SMCHD1: variants seen among roughly 807,000 people sequenced by gnomAD.
SMCHD1 encodes the protein structural maintenance of chromosomes flexible hinge domain containing 1.
Under a neutral mutation model 254.7 loss-of-function variants are expected in SMCHD1, and 78 were observed. The ratio of observed to expected loss-of-function variants is 0.31; its 90% CI spans 0.26 to 0.37. The LOEUF is 0.37. Ranked by LOEUF, SMCHD1 falls within the 10% of genes least tolerant of loss-of-function variation. SMCHD1 has a pLI of 1.00. For missense variants in SMCHD1, 1,840 were observed against 2,408.1 expected (o/e 0.76, Z 4.94); for synonymous variants, 766 against 794.9 (o/e 0.96, Z 0.61).
rs1413816861 is a variant in SMCHD1 at position 2,770,035 on chromosome 18, C to T, written c.4893C>T (p.Asp1631=). The T allele has an allele frequency of 1.9e-6, 3 of 1,601,656 alleles. No individual in the cohort carries two copies. The highest frequency in any genetic ancestry group is 1.7e-6 in the Non-Finnish European group (2 of 1,176,638). Residue 1631 remains aspartate, a synonymous_variant, in exon 39 of 48, where the codon GAC becomes GAT. Transcript: ENST00000320876. ...TGGCAGCACTTACAAAAGAAAAGGA[C>T]CAATTATCTCAGTCTATTGTTATGT... is the stretch of plus-strand genomic sequence containing the variant. The part of the protein sequence containing the change: ...QQMAALTKEK[D]QLSQSIVMYK...
chr18:2,675,295 C>T lies in SMCHD1; in HGVS notation c.638+1150C>T, dbSNP rs143740660. Among the ~76,000 whole-genome samples, 104 of 138,142 alleles carry T rather than the reference C, an allele frequency of 7.5e-4. 1 individual carries two copies. The East Asian group carries it at 0.011, about 15-fold the overall frequency. 90.6% of individuals were successfully genotyped at this position (138,142 alleles called of 152,430 possible). On this transcript the variant is annotated intron_variant, in intron 5 of 47. Coordinates refer to ENST00000320876, the MANE Select transcript of SMCHD1 (RefSeq NM_015295.3). The stretch of plus-strand genomic sequence containing the variant: ...TTTTTTTTTTTTGGAGACAGAGTCT[C>T]GCTCTGTCATCCAGGCTGAAGTGCA...
chr18:2,703,947 G>A, intron 13 of SMCHD1, 61 bp downstream of exon 13: 1 of 1,281,404 alleles, frequency 7.8e-7, no homozygotes, highest in Non-Finnish European at 1.1e-6. Flanking sequence ...AAACACATAT[G>A]CAGAATCACA....
intron 17 of SMCHD1, among the ~76,000 whole-genome samples, chr18:2,714,377 T>C (rs567056670): frequency 6.6e-6 from 1 of 152,304 alleles, no homozygotes; most frequent in East Asian, 1.9e-4. Context: ...ATGAGTAATA[T>C]GAGTTTATTG....
intron 28 of SMCHD1, among the ~76,000 whole-genome samples, chr18:2,741,673 C>T (rs1457330655): frequency 6.6e-6 from 1 of 152,228 alleles, no homozygotes; most frequent in Admixed American, 6.5e-5. Context: ...TAGTTTCTTC[C>T]ATTTTCTAGC....
chr18:2,699,013 G>A (rs1212049933), intron 10 of SMCHD1, among the ~76,000 whole-genome samples: 2 of 152,114 alleles, frequency 1.3e-5, no homozygotes, highest in African/African-American at 2.4e-5. Context: ...AGTAATTCTA[G>A]TGAGATTATT....
intron 44 of SMCHD1, among the ~76,000 whole-genome samples, chr18:2,782,744 C>CAAAAAAAAAAAAAAAAAA (rs779083565): frequency 6.7e-5 from 3 of 44,978 alleles, no homozygotes; most frequent in Admixed American, 3.8e-4. Context: ...GACCACAACT[C>CAAAAAAAAAAAAAAAAAA]AAAAAAAAAA....
At chr18:2,701,151 A>G (rs973436909) in intron 12 of SMCHD1, 15 of 305,840 alleles carry the variant, frequency 4.9e-5, no homozygotes, top group Non-Finnish European at 8.7e-5. Context: ...ACATATCTTC[A>G]TTAGTTTTTT....
rs1555622217 is a variant in SMCHD1 at position 2,656,098 on chromosome 18, G to T, written c.23G>T (p.Gly8Val). Reference sequence around the variant, plus strand: ...AATATGGCAGCGGCGGACGGCGGCGGGCCTGGTGGGGCCTCTGTGGGGACT... The same window carrying T: ...AATATGGCAGCGGCGGACGGCGGCGTGCCTGGTGGGGCCTCTGTGGGGACT... MAAADGG[G>V]PGGASVGTEE... The change falls in exon 1 of 48, where the codon GGG (glycine) becomes GTG (valine). Residue 8 changes from glycine to valine, a missense_variant. Physicochemically the swap from Gly to Val is moderately radical, Grantham distance 109. Around this residue, in one of 9 missense-constraint regions of SMCHD1, gnomAD observed 115 missense variants for 99.1 expected, o/e 1.16. Transcript: ENST00000320876. 2.1e-6 allele frequency: 3 copies of T among 1,413,754 alleles called. No individual in the cohort carries two copies. The highest frequency in any genetic ancestry group is 1.6e-5 in the South Asian group (1 of 62,550). The allele number at this position is 1,413,754 out of a possible 1,614,324, so 87.6% of individuals were successfully genotyped here. A position where few individuals can be genotyped will look rare whatever the true frequency, so the allele number is the denominator to read the frequency against.
At chr18:2,665,518 A>G (rs913504987) in intron 1 of SMCHD1, among the ~76,000 whole-genome samples, 1 of 152,032 alleles carries the variant, frequency 6.6e-6, no homozygotes, top group African/African-American at 2.4e-5. Context: ...ACAGGGTTTC[A>G]CCATGTTGGT....
At chr18:2,791,956 G>C (rs9964906) in intron 45 of SMCHD1, among the ~76,000 whole-genome samples, 37,916 of 152,032 alleles carry the variant, frequency 0.25, 4,835 homozygotes, top group South Asian at 0.35. Flanking sequence ...GGAAACAGTA[G>C]TCAGAACTCT....
At chr18:2,801,759 T>TTAAGATTTC (rs763457376) in intron 47 of SMCHD1, among the ~76,000 whole-genome samples, 15 of 152,172 alleles carry the variant, frequency 9.9e-5, no homozygotes, top group Non-Finnish European at 2.1e-4. Flanking sequence ...TTTCATTAAC[T>TTAAGATTTC]ATAAAAATGT....
chr18:2,684,476 A>C (rs1485990590), intron 5 of SMCHD1, among the ~76,000 whole-genome samples: 2 of 152,010 alleles, frequency 1.3e-5, no homozygotes, highest in Non-Finnish European at 2.9e-5. Context: ...CCAACCTCTT[A>C]ACCTATTGTC....
chr18:2,698,111 A>G, intron 10 of SMCHD1, 70 bp downstream of exon 10: 6 of 1,274,362 alleles, frequency 4.7e-6, no homozygotes, highest in Non-Finnish European at 6.6e-6. Context: ...GTTTTTCTAA[A>G]TGATTATCGG....
intron 29 of SMCHD1, among the ~76,000 whole-genome samples, chr18:2,746,991 C>A (rs969076948): frequency 6.6e-6 from 1 of 151,922 alleles, no homozygotes; most frequent in Non-Finnish European, 1.5e-5. Flanking sequence ...TAACCAAGGG[C>A]TAGAAAGCCA....
At chr18:2,801,683 T>C (rs1222829236) in intron 47 of SMCHD1, among the ~76,000 whole-genome samples, 1 of 152,188 alleles carries the variant, frequency 6.6e-6, no homozygotes, top group Admixed American at 6.5e-5. Context: ...TTTATTTACA[T>C]ATGTATACTG....
At chr18:2,679,005 G>T (rs1357640709) in intron 5 of SMCHD1, among the ~76,000 whole-genome samples, 2 of 151,064 alleles carry the variant, frequency 1.3e-5, no homozygotes, top group Non-Finnish European at 3.0e-5. Flanking sequence ...GCACCACAAT[G>T]CCCGGCTAAT....
intron 44 of SMCHD1, among the ~76,000 whole-genome samples, chr18:2,782,601 C>T (rs1277547749): frequency 6.6e-6 from 1 of 150,870 alleles, no homozygotes; most frequent in African/African-American, 2.4e-5. Context: ...AAAAAGTAAC[C>T]GGGCATGGTG....
intron 19 of SMCHD1, among the ~76,000 whole-genome samples, chr18:2,721,082 C>T (rs1201629022): frequency 2.6e-5 from 4 of 152,170 alleles, no homozygotes; most frequent in African/African-American, 4.8e-5. Flanking sequence ...TTCAGCCAAC[C>T]TTCTTGTTTT....
intron 23 of SMCHD1, 160 bp downstream of exon 23, chr18:2,728,756 A>G (rs1159127213): frequency 4.6e-6 from 3 of 654,498 alleles, no homozygotes; most frequent in Non-Finnish European, 7.1e-6. Context: ...TTTTTTTTTA[A>G]TCGTACCTAA....
Sources: gnomAD v4.1 joint callset for allele counts (sites outside exome capture counted in the v4.1 genomes callset) on GRCh38, gnomAD v4.1.1 for gene constraint, gnomAD v4.1.1 regional missense constraint, MANE v1.5 for transcripts, NCBI Gene and HGNC (gene_info 2026-07-23, HGNC 2026-07-21) for gene names.